The following ZXDC variants were observed in gnomAD, a reference collection of about 807,000 sequenced individuals.
ZXDC encodes zinc finger protein ZXDC.
ZXDC carries 58 observed loss-of-function variants against 63.6 expected under a neutral mutation model. The ratio of observed to expected loss-of-function variants is 0.91; its 90% confidence interval spans 0.74 to 1.13. The LOEUF (loss-of-function observed/expected upper bound fraction) is 1.13, where lower values mean the gene tolerates loss of function less well. ZXDC is among the 50% of genes most tolerant of loss of function. The pLI is 0.00. For synonymous variants in ZXDC, 561 were observed against 496.1 expected, an observed-to-expected ratio of 1.13 and a Z score of -1.74; for missense variants, 1,133 against 1,148.9, an observed-to-expected ratio of 0.99 and a Z score of 0.20.
chr3:126,453,972 T>C, intron 7 of ZXDC: 2 of 943,200 alleles, frequency 2.1e-6, no homozygotes, highest in Non-Finnish European at 2.5e-6. Context: ...CCTATACATG[T>C]ATATATATAT....
intron 8 of ZXDC, 182 bp from the exon 9 acceptor site, chr3:126,439,909 C>T: frequency 7.1e-7 from 1 of 1,414,988 alleles, no homozygotes; most frequent in Non-Finnish European, 9.2e-7. Flanking sequence ...TACCTGTTCC[C>T]ACCTGGTTCT....
intron 7 of ZXDC, chr3:126,454,381 T>C (rs1377168681): frequency 1.0e-6 from 1 of 985,438 alleles, no homozygotes; most frequent in Non-Finnish European, 1.2e-6. Context: ...AGGCTACACA[T>C]GAACAGCAAC....
At chr3:126,471,431 G>A (rs1377662062) in intron 3 of ZXDC, among the ~76,000 whole-genome samples, 2 of 152,200 alleles carry the variant, frequency 1.3e-5, no homozygotes, top group African/African-American at 2.4e-5. Flanking sequence ...ACTCTCTTAA[G>A]CCAACTTGTA....
intron 7 of ZXDC, chr3:126,452,459 C>T (rs1280906206): frequency 1.0e-6 from 1 of 985,256 alleles, no homozygotes; most frequent in East Asian, 1.1e-4. Flanking sequence ...CACTCTCGTT[C>T]CTAACAGGTG....
intron 3 of ZXDC, among the ~76,000 whole-genome samples, chr3:126,471,457 C>T (rs540971021): frequency 9.5e-4 from 144 of 152,292 alleles, no homozygotes; most frequent in Middle Eastern, 6.8e-3. Context: ...TGTGTCTTTT[C>T]CTAAGTGACA....
At chr3:126,470,783 A>G (rs752147524) in intron 4 of ZXDC, 112 bp downstream of exon 4, 56 of 1,445,968 alleles carry the variant, frequency 3.9e-5, no homozygotes, top group Non-Finnish European at 5.2e-5. Flanking sequence ...TGCAACTTAT[A>G]TTGAGTCAGT....
chr3:126,439,652 G>C lies in ZXDC; in HGVS notation c.2470C>G (p.Leu824Val), dbSNP rs1037664937. The C allele has an allele frequency of 1.9e-6, 3 of 1,553,834 alleles. No homozygotes were observed. In the African/African-American group the frequency reaches 4.1e-5, roughly 21 times the overall value. Residue 824 changes from leucine to valine, a missense_variant, in exon 9 of 10, where the codon CTG becomes GTG. Transcript: ENST00000389709. ...CAGACCTGGAGGACGTAGACGGGCA[G>C]GTCCACAGTGAGGAAGGGGAGGAAG... ...ATFLPFLTVD[L>V]PVYVLQEVLP...
intron 7 of ZXDC, 175 bp from the exon 8 acceptor site, chr3:126,442,121 AACC>A (rs1933706628): frequency 3.2e-6 from 2 of 628,774 alleles, no homozygotes; most frequent in Admixed American, 4.3e-5. Context: ...TGAAACAAAC[AACC>A]ATACGAACAA....
At position 126,459,732 on chromosome 3, in the gene ZXDC, A is replaced by G. The variant is rs578000233; in HGVS notation, c.2133T>C (p.Ser711=). The part of the protein sequence containing the change: ...SAGTGNFYLE[S]GGSARTDYRA... ...GGTAATCAGTTCTTGCTGAGCCCCC[A>G]CTTTCCTGAGACCAAAGAAAAGCAT... The change falls in exon 7 of 10, where the codon AGT becomes AGC. Residue 711 remains serine (S), a synonymous_variant. Transcript: ENST00000389709. 4 of 1,614,026 alleles carry G rather than the reference A, an allele frequency of 2.5e-6. No individual in the cohort carries two copies. Among genetic ancestry groups the G allele is most frequent in the Non-Finnish European group, 2.5e-6 (3 of 1,179,994 alleles).
chr3:126,457,314 C>T, intron 7 of ZXDC: 5 of 985,432 alleles, frequency 5.1e-6, no homozygotes, highest in Non-Finnish European at 6.0e-6. Context: ...TGACAAGACA[C>T]ACAGAGGAGC....
chr3:126,451,174 G>A, intron 7 of ZXDC: 1 of 985,376 alleles, frequency 1.0e-6, no homozygotes, highest in Non-Finnish European at 1.2e-6. Context: ...TTTTCCAATA[G>A]AAAAAGTAGA....
intron 7 of ZXDC, among the ~76,000 whole-genome samples, chr3:126,446,853 T>A (rs1329142268): frequency 1.3e-5 from 2 of 152,250 alleles, no homozygotes; most frequent in African/African-American, 2.4e-5. Context: ...GTTTCAGATT[T>A]CACATTTGTG....
At chr3:126,461,325 T>A in intron 6 of ZXDC, 1 of 1,370,684 alleles carries the variant, frequency 7.3e-7, no homozygotes, top group Non-Finnish European at 9.4e-7. Context: ...AATCTCCTTA[T>A]GCAGGAAATA....
Position 126,475,100 on chromosome 3 carries a change from TGAGGTTATAGACCG to T in ZXDC, c.752_765del (p.Thr251LysfsTer45). 1 of 1,610,380 alleles carries T rather than the reference TGAGGTTATAGACCG, an allele frequency of 6.2e-7. No homozygotes were observed. The highest frequency in any genetic ancestry group is 8.5e-7 in the Non-Finnish European group (1 of 1,178,270). On this transcript the variant is annotated frameshift_variant, in exon 1 of 10. Transcript: ENST00000389709. LOFTEE classifies it high-confidence loss of function. ...TGCTCGTGGCCCTTCATGTGCGCCTTGAGGTTATAGACCGTAGTGAACTTCTTGCCACAGCCGCC... is the reference window on the plus strand; with the variant it reads ...TGCTCGTGGCCCTTCATGTGCGCCTTTAGTGAACTTCTTGCCACAGCCGCC...
chr3:126,459,524 TA>T, intron 7 of ZXDC, 128 bp downstream of exon 7: 1 of 1,508,832 alleles, frequency 6.6e-7, no homozygotes. Context: ...AAGGAGTTGA[TA>T]AAAGGGTATT....
Position 126,438,316 on chromosome 3 carries a change from G to C in ZXDC, c.*59C>G. On this transcript the variant is annotated 3_prime_UTR_variant, in exon 10 of 10. Transcript: ENST00000389709. The stretch of plus-strand genomic sequence containing the variant: ...AGGTCTCCCCAGGCTCATGTCATGA[G>C]TCTCAGGGAAGGTGTGTCCTAGACC... The C allele has an allele frequency of 4.8e-6, 7 of 1,453,790 alleles. No individual in the cohort carries two copies. Among genetic ancestry groups the C allele is most frequent in the Non-Finnish European group, 4.8e-6 (5 of 1,051,290 alleles). The allele number at this position is 1,453,790 out of a possible 1,614,324, so 90.1% of individuals were successfully genotyped here. A position where few individuals can be genotyped will look rare whatever the true frequency, so the allele number is the denominator to read the frequency against.
chr3:126,471,720 GT>G (rs961180236), intron 3 of ZXDC, among the ~76,000 whole-genome samples: 26 of 146,756 alleles, frequency 1.8e-4, no homozygotes, highest in Non-Finnish European at 2.6e-4. Flanking sequence ...ACCTGGAATT[GT>G]TTTTTTTTTA....
chr3:126,461,062 T>G, intron 6 of ZXDC: 1 of 985,332 alleles, frequency 1.0e-6, no homozygotes, highest in African/African-American at 1.7e-5. Context: ...CTCCAAGAAC[T>G]AAGGCTCATA....
At chr3:126,451,632 G>A (rs1013500898) in intron 7 of ZXDC, 2 of 985,394 alleles carry the variant, frequency 2.0e-6, no homozygotes, top group Middle Eastern at 1.0e-3. Flanking sequence ...CACCTGGGAA[G>A]GCCTAGCCGA....
Sources: allele counts gnomAD v4.1 joint callset (sites outside exome capture counted in the v4.1 genomes callset), GRCh38; gene constraint gnomAD v4.1.1; transcripts MANE v1.5; gene names NCBI Gene and HGNC (gene_info 2026-07-23, HGNC 2026-07-21).